Variants in PXDNL observed in about 807,000 individuals in gnomAD.
PXDNL encodes the protein peroxidasin like.
A neutral mutation model predicts 150.8 loss-of-function variants in PXDNL; 145 were observed. The observed-to-expected ratio is 0.96, with a 90% CI of 0.84 to 1.10. The LOEUF (loss-of-function observed/expected upper bound fraction) is 1.10. PXDNL is among the 50% of genes least tolerant of loss of function. The pLI, the probability that PXDNL is intolerant of heterozygous loss-of-function variation, is 0.00. For missense variants in PXDNL, 2,087 were observed against 1,873.9 expected (o/e 1.11, Z -2.10); for synonymous variants, 757 against 725.7 (o/e 1.04, Z -0.69).
In PXDNL at chr8:51,404,079, TC is replaced by T. The variant is rs1808359646; in HGVS notation, c.3557+3987del. The stretch of plus-strand genomic sequence containing the variant: ...CCTCCTGTCTGGGCTTGTTCATTCT[TC>T]CTGGTGGGTTCATGGTCTCGCTGGC... On this transcript the variant is annotated intron_variant, in intron 17 of 22. Transcript: ENST00000356297. Among the ~76,000 whole-genome samples, 3 of 152,332 alleles carry T rather than the reference TC, an allele frequency of 2.0e-5. No individual in the cohort carries two copies. In the South Asian group the frequency reaches 6.2e-4, roughly 32 times the overall value.
intron 2 of PXDNL, among the ~76,000 whole-genome samples, chr8:51,595,060 A>T (rs1585606111): frequency 6.6e-6 from 1 of 152,218 alleles, no homozygotes; most frequent in African/African-American, 2.4e-5. Flanking sequence ...AAAACTCTCA[A>T]GAAGAAAATG....
In PXDNL at chr8:51,592,619, T is replaced by C; in HGVS notation, c.308+8A>G. The C allele has an allele frequency of 6.5e-7, 1 of 1,531,696 alleles. No individual in the cohort carries two copies. The highest frequency in any genetic ancestry group is 8.8e-7 in the Non-Finnish European group (1 of 1,134,372). 94.9% of individuals were successfully genotyped at this position (1,531,696 alleles called of 1,614,324 possible). Reference sequence around the variant, plus strand: ...CATAAGGCATTGTTGTTTTTTCTTATAACTTACAGATATAGCAAATTTTCA... The same window carrying C: ...CATAAGGCATTGTTGTTTTTTCTTACAACTTACAGATATAGCAAATTTTCA... On this transcript the variant is annotated splice_region_variant and intron_variant, in intron 3 of 22. Transcript: ENST00000356297.
chr8:51,739,420 A>G (rs972822845), intron 1 of PXDNL, among the ~76,000 whole-genome samples: 3 of 152,128 alleles, frequency 2.0e-5, no homozygotes, highest in East Asian at 3.9e-4. Context: ...ACAGTGCAAT[A>G]AGGCAAGAAA....
chr8:51,417,366 T>G (rs139416537), intron 14 of PXDNL, among the ~76,000 whole-genome samples: 35 of 152,338 alleles, frequency 2.3e-4, no homozygotes, highest in African/African-American at 8.2e-4. Flanking sequence ...AGGCTATCAC[T>G]ACTATTGATG....
At chr8:51,399,881 T>G (rs1284825109) in intron 17 of PXDNL, among the ~76,000 whole-genome samples, 2 of 152,218 alleles carry the variant, frequency 1.3e-5, no homozygotes, top group Non-Finnish European at 2.9e-5. Context: ...CTATAAAATA[T>G]TTGCTATGAT....
chr8:51,475,933 T>C (rs1481041939), intron 6 of PXDNL, among the ~76,000 whole-genome samples: 1 of 152,130 alleles, frequency 6.6e-6, no homozygotes, highest in Non-Finnish European at 1.5e-5. Flanking sequence ...TATGGCTGTG[T>C]CTACAATTTT....
chr8:51,364,780 T>A (rs1262797133), intron 19 of PXDNL, among the ~76,000 whole-genome samples: 1 of 152,146 alleles, frequency 6.6e-6, no homozygotes, highest in Non-Finnish European at 1.5e-5. Flanking sequence ...TGGAGAAAAT[T>A]AATAGGAAGA....
At chr8:51,771,702 A>G (rs4242473) in intron 1 of PXDNL, among the ~76,000 whole-genome samples, 139,344 of 152,214 alleles carry the variant, frequency 0.92, 64,629 homozygotes, top group East Asian at 1. Flanking sequence ...AAAAGAGAGA[A>G]ACAGAGAAAC....
At chr8:51,609,445 C>G (rs1447034417) in intron 2 of PXDNL, among the ~76,000 whole-genome samples, 1 of 152,132 alleles carries the variant, frequency 6.6e-6, no homozygotes, top group Non-Finnish European at 1.5e-5. Flanking sequence ...TGCTCTTGAC[C>G]TTTGGGGCCA....
chr8:51,643,096 T>C (rs774486822), intron 2 of PXDNL, among the ~76,000 whole-genome samples: 12 of 152,048 alleles, frequency 7.9e-5, no homozygotes, highest in Non-Finnish European at 1.6e-4. Context: ...AGAATCAATA[T>C]TGTGAAAATG....
At chr8:51,637,805 A>T (rs1369020507) in intron 2 of PXDNL, among the ~76,000 whole-genome samples, 1 of 152,248 alleles carries the variant, frequency 6.6e-6, no homozygotes, top group Non-Finnish European at 1.5e-5. Flanking sequence ...GAACTTCCCC[A>T]ACATAGCAAG....
At chr8:51,537,774 A>G (rs576002019) in intron 4 of PXDNL, among the ~76,000 whole-genome samples, 2 of 152,342 alleles carry the variant, frequency 1.3e-5, no homozygotes, top group East Asian at 3.9e-4. Context: ...GGTTTTATCT[A>G]GAATTGCACA....
At chr8:51,594,995 GGAACAAAACAAAACAAAAAAGAAGC>G (rs1388262747) in intron 2 of PXDNL, among the ~76,000 whole-genome samples, 5 of 151,514 alleles carry the variant, frequency 3.3e-5, no homozygotes, top group East Asian at 1.9e-4. Flanking sequence ...TGATGCCAAA[GGAACAAAACAAAACAAAAAAGAAGC>G]GAACAAAACA....
intron 4 of PXDNL, among the ~76,000 whole-genome samples, chr8:51,534,454 GC>G: frequency 9.3e-6 from 1 of 107,232 alleles, no homozygotes. Flanking sequence ...CCTCTGCCCG[GC>G]CAGCCGCCCC....
chr8:51,767,469 G>A (rs2037244443), intron 1 of PXDNL, among the ~76,000 whole-genome samples: 2 of 152,120 alleles, frequency 1.3e-5, no homozygotes, highest in Admixed American at 1.3e-4. Flanking sequence ...CTAATTGTTA[G>A]TTAGCTAATT....
chr8:51,608,386 C>CAAA lies in PXDNL; in HGVS notation c.237-15691_237-15689dup, dbSNP rs760838357. Among the ~76,000 whole-genome samples, 279 of 75,424 alleles carry CAAA rather than the reference C, an allele frequency of 3.7e-3. 6 individuals carry two copies. Among genetic ancestry groups the CAAA allele is most frequent in the African/African-American group, 0.013 (269 of 21,482 alleles). The allele number at this position is 75,424 out of a possible 152,430, so 49.5% of individuals were successfully genotyped here. A position where few individuals can be genotyped will look rare whatever the true frequency, so the allele number is the denominator to read the frequency against. On this transcript the variant is annotated intron_variant, in intron 2 of 22. Coordinates refer to ENST00000356297, the MANE Select transcript of PXDNL (RefSeq NM_144651.5). ...CCTCAGCGACAGGGAGAGACTCCGT[C>CAAA]AAAAAAAAAAAAAAAAAGAAAGAAA... is the stretch of plus-strand genomic sequence containing the variant.
chr8:51,682,679 T>C (rs1815778660), intron 1 of PXDNL, among the ~76,000 whole-genome samples: 1 of 152,180 alleles, frequency 6.6e-6, no homozygotes, highest in South Asian at 2.1e-4. Context: ...GTGTATAATG[T>C]TGTTTATTGC....
chr8:51,390,556 G>T (rs1247287108), intron 17 of PXDNL, among the ~76,000 whole-genome samples: 1 of 151,728 alleles, frequency 6.6e-6, no homozygotes, highest in Non-Finnish European at 1.5e-5. Flanking sequence ...ATATTTTCTG[G>T]GTATTCTATA....
chr8:51,320,066 C>T, intron 22 of PXDNL, 44 bp from the exon 23 acceptor site: 1 of 1,327,942 alleles, frequency 7.5e-7, no homozygotes, highest in Non-Finnish European at 9.7e-7. Context: ...TTCTTATAAT[C>T]AAAGTACTTA....
Sources: gnomAD v4.1 joint callset for allele counts (sites outside exome capture counted in the v4.1 genomes callset) on GRCh38, gnomAD v4.1.1 for gene constraint, MANE v1.5 for transcripts, NCBI Gene and HGNC (gene_info 2026-07-23, HGNC 2026-07-21) for gene names.